NCOA3: variants seen among roughly 807,000 people sequenced by gnomAD.
NCOA3 encodes CBP-interacting protein.
In NCOA3, 51 loss-of-function variants were observed where a neutral mutation model predicts 158.8. The observed-to-expected ratio is 0.32, with a 90% CI of 0.26 to 0.41. The LOEUF (loss-of-function observed/expected upper bound fraction) is 0.41. NCOA3 is among the 10% of genes least tolerant of loss of function. NCOA3 has a pLI of 1.00. For synonymous variants in NCOA3, 537 were observed against 592.4 expected (o/e 0.91, Z 1.36); for missense variants, 1,510 against 1,746.6 (o/e 0.86, Z 2.41).
intron 2 of NCOA3, among the ~76,000 whole-genome samples, chr20:47,589,493 A>C (rs1432454530): frequency 2.3e-4 from 35 of 151,918 alleles, no homozygotes; most frequent in Admixed American, 2.3e-3. Flanking sequence ...CTCCTGCCCC[A>C]GCCTCCTGAG....
intron 1 of NCOA3, among the ~76,000 whole-genome samples, chr20:47,544,086 A>G (rs935679573): frequency 6.6e-6 from 1 of 152,192 alleles, no homozygotes; most frequent in African/African-American, 2.4e-5. Flanking sequence ...TAGCCATGTT[A>G]TAGTGATCAA....
chr20:47,569,807 A>C (rs538921767), intron 1 of NCOA3, among the ~76,000 whole-genome samples: 15 of 152,156 alleles, frequency 9.9e-5, no homozygotes, highest in Middle Eastern at 3.4e-3. Flanking sequence ...TCAGGAGATC[A>C]AGACCATCCT....
At chr20:47,612,296 C>T (rs1372235089) in intron 2 of NCOA3, among the ~76,000 whole-genome samples, 2 of 151,982 alleles carry the variant, frequency 1.3e-5, no homozygotes, top group Non-Finnish European at 2.9e-5. Context: ...GAGTTACATA[C>T]AAGTTTACAC....
At chr20:47,564,118 C>T (rs184880015) in intron 1 of NCOA3, among the ~76,000 whole-genome samples, 3 of 151,496 alleles carry the variant, frequency 2.0e-5, no homozygotes, top group Admixed American at 1.3e-4. Context: ...GCCATGTACT[C>T]CATCCTGGGG....
intron 1 of NCOA3, among the ~76,000 whole-genome samples, chr20:47,513,496 C>G (rs1410202574): frequency 2.0e-5 from 3 of 152,000 alleles, no homozygotes; most frequent in Non-Finnish European, 4.4e-5. Context: ...GAGGCTGAGG[C>G]AAGCAGATCA....
intron 17 of NCOA3, among the ~76,000 whole-genome samples, chr20:47,642,850 C>T (rs866794514): frequency 1.3e-5 from 2 of 152,132 alleles, no homozygotes; most frequent in African/African-American, 4.8e-5. Context: ...TGTTTACATA[C>T]CCCGCCTTAT....
chr20:47,567,056 GTA>G (rs2085208366), intron 1 of NCOA3, among the ~76,000 whole-genome samples: 1 of 150,868 alleles, frequency 6.6e-6, no homozygotes, highest in Admixed American at 6.6e-5. Context: ...ATGTATGTAT[GTA>G]TGTATTTTGA....
chr20:47,639,759 C>T lies in NCOA3; in HGVS notation c.2890C>T (p.Arg964Trp), dbSNP rs777114269. The T allele has an allele frequency of 9.3e-6, 15 of 1,614,064 alleles. No individual in the cohort carries two copies. The highest frequency in any genetic ancestry group is 1.1e-5 in the Non-Finnish European group (13 of 1,180,044). ...LGGSIPTLPL[R>W]SNSIPGARPV... The stretch of plus-strand genomic sequence containing the variant: ...TGGCTCTATTCCCACATTGCCTCTT[C>T]GGTCTAATAGCATACCAGGTGCGAG... The change falls in exon 15 of 23, where the codon CGG becomes TGG. Residue 964 changes from arginine (R) to tryptophan (W), a missense_variant. Around this residue, in one of 4 missense-constraint regions of NCOA3, gnomAD observed 1,017 missense variants for 1,098.3 expected, o/e 0.93. Coordinates refer to ENST00000371998, the MANE Select transcript of NCOA3 (RefSeq NM_181659.3).
chr20:47,544,338 C>CTTTT (rs2084794412), intron 1 of NCOA3, among the ~76,000 whole-genome samples: 1 of 42,894 alleles, frequency 2.3e-5, no homozygotes, highest in African/African-American at 1.2e-4. Flanking sequence ...TTTTTTTTTT[C>CTTTT]CCTTAAACGC....
At chr20:47,575,725 G>C (rs2085363536) in intron 1 of NCOA3, among the ~76,000 whole-genome samples, 1 of 152,172 alleles carries the variant, frequency 6.6e-6, no homozygotes, top group Admixed American at 6.6e-5. Context: ...AAACGTAAAG[G>C]TAAATTTAAG....
At chr20:47,524,193 G>A (rs2425939) in intron 1 of NCOA3, among the ~76,000 whole-genome samples, 23,523 of 152,108 alleles carry the variant, frequency 0.15, 2,859 homozygotes, top group African/African-American at 0.33. Flanking sequence ...GGTGGCTTAG[G>A]AATACCATGT....
At chr20:47,503,407 GA>G (rs1465808547) in intron 1 of NCOA3, among the ~76,000 whole-genome samples, 7 of 152,194 alleles carry the variant, frequency 4.6e-5, no homozygotes, top group Non-Finnish European at 1.0e-4. Flanking sequence ...TATCCAATTG[GA>G]AAGGTACAAA....
chr20:47,557,484 G>C (rs2085025067), intron 1 of NCOA3, among the ~76,000 whole-genome samples: 1 of 152,074 alleles, frequency 6.6e-6, no homozygotes, highest in Non-Finnish European at 1.5e-5. Flanking sequence ...AACACACTGG[G>C]GTTTAAACCG....
chr20:47,633,848 G>C (rs6094754), intron 9 of NCOA3, among the ~76,000 whole-genome samples, 200 bp from the exon 10 acceptor site: 2,485 of 152,300 alleles, frequency 0.016, 69 homozygotes, highest in African/African-American at 0.057. Context: ...ACACATGACT[G>C]TAGTTGCTCT....
chr20:47,643,009 C>G (rs2086635028), intron 17 of NCOA3, among the ~76,000 whole-genome samples: 1 of 152,226 alleles, frequency 6.6e-6, no homozygotes, highest in Non-Finnish European at 1.5e-5. Flanking sequence ...CTCCAGGGTT[C>G]AAGTGATTCT....
intron 17 of NCOA3, 130 bp from the exon 18 acceptor site, chr20:47,646,943 C>G: frequency 1.3e-6 from 1 of 745,080 alleles, no homozygotes; most frequent in East Asian, 2.7e-5. Context: ...GAAGTGATGC[C>G]TGGCACATAA....
At chr20:47,577,549 A>C (rs1285661831) in intron 1 of NCOA3, among the ~76,000 whole-genome samples, 3 of 152,194 alleles carry the variant, frequency 2.0e-5, no homozygotes, top group Admixed American at 1.3e-4. Flanking sequence ...AATGTGGCAC[A>C]TGGATGCTTA....
At chr20:47,515,123 C>A (rs1400960395) in intron 1 of NCOA3, among the ~76,000 whole-genome samples, 1 of 151,734 alleles carries the variant, frequency 6.6e-6, no homozygotes, top group African/African-American at 2.4e-5. Context: ...CAGGGACAGA[C>A]ACACAAATAG....
chr20:47,627,872 A>G, intron 7 of NCOA3, 50 bp from the exon 8 acceptor site: 3 of 1,586,190 alleles, frequency 1.9e-6, no homozygotes, highest in South Asian at 1.1e-5. Flanking sequence ...TTGAACATAT[A>G]TATCCAAAAG....
Sources: allele counts gnomAD v4.1 joint callset (sites outside exome capture counted in the v4.1 genomes callset), GRCh38; gene constraint gnomAD v4.1.1; regional missense constraint gnomAD v4.1.1; transcripts MANE v1.5; gene names NCBI Gene and HGNC (gene_info 2026-07-23, HGNC 2026-07-21).